The following USP8 variants were observed in gnomAD, a reference collection of about 807,000 sequenced individuals.
The protein encoded by USP8 is ubiquitin carboxyl-terminal hydrolase 8.
In USP8, 27 loss-of-function variants were observed where a neutral mutation model predicts 130.0. That is an observed-to-expected ratio of 0.21 (90% CI 0.15 to 0.29). USP8 has a LOEUF of 0.29. Ranked by LOEUF, USP8 falls within the 10% of genes least tolerant of loss-of-function variation. USP8 has a pLI of 1.00. For synonymous variants in USP8, 392 were observed against 444.1 expected (o/e 0.88, Z 1.48); for missense variants, 1,029 against 1,312.2 (o/e 0.78, Z 3.33).
chr15:50,445,110 G>A (rs1442500944), intron 3 of USP8, among the ~76,000 whole-genome samples: 2 of 152,046 alleles, frequency 1.3e-5, no homozygotes, highest in African/African-American at 4.8e-5. Flanking sequence ...AGCCTCTCTA[G>A]TGTACTTCAG....
intron 3 of USP8, among the ~76,000 whole-genome samples, chr15:50,443,093 C>T (rs185874897): frequency 2.4e-4 from 37 of 152,280 alleles, no homozygotes; most frequent in Admixed American, 2.4e-3. Flanking sequence ...GGCTGGAGTG[C>T]GGTGGCACAT....
rs776173241 is a variant in USP8 at position 50,441,511 on chromosome 15, ATTG to A, written c.249+21_249+23del. On this transcript the variant is annotated intron_variant, in intron 3 of 19. Coordinates refer to ENST00000307179, the MANE Select transcript of USP8 (RefSeq NM_005154.5). ...AACAGCAGGTACCTTTTATTTTTGC[ATTG>A]TTATTTCCTAAGTTATTTTGCATAA... 61 of 1,538,352 alleles carry A rather than the reference ATTG, an allele frequency of 4.0e-5. No homozygotes were observed. In the East Asian group the frequency reaches 1.2e-3, roughly 30 times the overall value.
At chr15:50,464,216 T>C (rs1218182219) in intron 6 of USP8, among the ~76,000 whole-genome samples, 2 of 152,146 alleles carry the variant, frequency 1.3e-5, no homozygotes, top group Non-Finnish European at 2.9e-5. Context: ...CAGATGGCCA[T>C]AGTTTTTCAA....
Position 50,502,787 on chromosome 15 carries a change from C to G in USP8, c.*3699C>G, listed in dbSNP as rs2052609974. On this transcript the variant is annotated 3_prime_UTR_variant, in exon 20 of 20. Coordinates refer to ENST00000307179, the MANE Select transcript of USP8 (RefSeq NM_005154.5). ...AGCTGGGACTACAGGCATACACCAC[C>G]ATGTCCAGAATGAAAATGGATCTGA... The G allele has an allele frequency of 6.6e-6, 1 of 152,340 alleles. No individual in the cohort carries two copies. The highest frequency in any genetic ancestry group is 1.5e-5 in the Non-Finnish European group (1 of 68,162). 9.4% of individuals were successfully genotyped at this position (152,340 alleles called of 1,614,324 possible).
chr15:50,474,555 T>G (rs944181459), intron 8 of USP8, among the ~76,000 whole-genome samples: 2 of 152,106 alleles, frequency 1.3e-5, no homozygotes, highest in Non-Finnish European at 1.5e-5. Context: ...AAGTTCAAAC[T>G]AAGATATGTG....
At chr15:50,444,266 G>T (rs1242377289) in intron 3 of USP8, among the ~76,000 whole-genome samples, 1 of 151,280 alleles carries the variant, frequency 6.6e-6, no homozygotes, top group East Asian at 1.9e-4. Context: ...ACCACGCCTG[G>T]CCTAATTTTT....
At position 50,471,618 on chromosome 15, in the gene USP8, A is replaced by G. The variant is rs370075814; in HGVS notation, c.687-15A>G. The G allele has an allele frequency of 6.2e-7, 1 of 1,605,520 alleles. No homozygotes were observed. Among genetic ancestry groups the G allele is most frequent in the Non-Finnish European group, 8.5e-7 (1 of 1,178,292 alleles). Reference sequence around the variant, plus strand: ...TGTTGACTTTTGCCCCAATTTAAATATTAATACATTTCAGAGTCACTGCTA... The same window carrying G: ...TGTTGACTTTTGCCCCAATTTAAATGTTAATACATTTCAGAGTCACTGCTA... On this transcript the variant is annotated splice_polypyrimidine_tract_variant and intron_variant, in intron 7 of 19. Coordinates refer to ENST00000307179, the MANE Select transcript of USP8 (RefSeq NM_005154.5).
rs1285791992 is a variant in USP8 at position 50,502,855 on chromosome 15, G to A, written c.*3767G>A. ...GAATTCGGGTGTAATAGTACATTGT[G>A]ACCTTAGCGAAATTATTTGACCTTT... On this transcript the variant is annotated 3_prime_UTR_variant, in exon 20 of 20. Coordinates refer to ENST00000307179, the MANE Select transcript of USP8 (RefSeq NM_005154.5). 1 of 152,192 alleles carries A rather than the reference G, an allele frequency of 6.6e-6. No individual in the cohort carries two copies. The highest frequency in any genetic ancestry group is 2.4e-5 in the African/African-American group (1 of 41,432). 9.4% of individuals were successfully genotyped at this position (152,192 alleles called of 1,614,324 possible).
In USP8 at chr15:50,439,863, G is replaced by A. The variant is rs898531384; in HGVS notation, c.104+686G>A. Reference sequence around the variant, plus strand: ...TCCACTTTGGGAGGCCAAGGTGGGCGGATCACCTGAGGTCAGGAGTTCGAT... The same window carrying A: ...TCCACTTTGGGAGGCCAAGGTGGGCAGATCACCTGAGGTCAGGAGTTCGAT... On this transcript the variant is annotated intron_variant, in intron 2 of 19. Coordinates refer to ENST00000307179, the MANE Select transcript of USP8 (RefSeq NM_005154.5). Among the ~76,000 whole-genome samples the A allele has an allele frequency of 6.0e-5, 9 of 151,210 alleles. No individual in the cohort carries two copies. In the South Asian group the frequency reaches 6.3e-4, roughly 11 times the overall value.
intron 1 of USP8, among the ~76,000 whole-genome samples, chr15:50,425,879 T>C (rs2049696781): frequency 6.6e-6 from 1 of 152,120 alleles, no homozygotes; most frequent in Non-Finnish European, 1.5e-5. Flanking sequence ...TCCTAGCACT[T>C]TGGGAGGCGG....
rs2049622879 is a variant in USP8, at chr15:50,424,414, T to A, written c.-166T>A. 2 of 398,600 alleles carry A rather than the reference T, an allele frequency of 5.0e-6. No homozygotes were observed. The highest frequency in any genetic ancestry group is 8.8e-6 in the Non-Finnish European group (2 of 226,118). 24.7% of individuals were successfully genotyped at this position (398,600 alleles called of 1,614,324 possible). On this transcript the variant is annotated 5_prime_UTR_variant, in exon 1 of 20. Coordinates refer to ENST00000307179, the MANE Select transcript of USP8 (RefSeq NM_005154.5). ...ATCGGGAAAAGGGGGTGAGCTGGGC[T>A]GGCTTCCGTCCTGGTAGCCAAGGCT...
rs58329541 is a variant in USP8, at chr15:50,506,957, CAAAAAAAAAAAAAAAAAAAAAA to C, written c.*7881_*7902del. On this transcript the variant is annotated 3_prime_UTR_variant, in exon 20 of 20. Coordinates refer to ENST00000307179, the MANE Select transcript of USP8 (RefSeq NM_005154.5). ...TGGGCGACAGAGCGAGACTTCATCT[CAAAAAAAAAAAAAAAAAAAAAA>C]AAAAAAAAAAATCCAGTTTTAGGCC... is the stretch of plus-strand genomic sequence containing the variant. 2.2e-5 allele frequency: 1 copy of C among 46,196 alleles called. No individual in the cohort carries two copies. The highest frequency in any genetic ancestry group is 3.9e-4 in the Admixed American group (1 of 2,580). 2.9% of individuals were successfully genotyped at this position (46,196 alleles called of 1,614,324 possible).
rs899708722 is a variant in USP8 at position 50,509,757 on chromosome 15, C to A, written c.*10669C>A. The A allele has an allele frequency of 2.6e-5, 4 of 152,010 alleles. No homozygotes were observed. The highest frequency in any genetic ancestry group is 5.9e-5 in the Non-Finnish European group (4 of 67,990). 9.4% of individuals were successfully genotyped at this position (152,010 alleles called of 1,614,324 possible). On this transcript the variant is annotated 3_prime_UTR_variant, in exon 20 of 20. Transcript: ENST00000307179. Reference sequence around the variant, plus strand: ...ATCCTGAATAAATTTATTGTTAATACCCTAAAAACTTTATGCCAGCCAACT... The same window carrying A: ...ATCCTGAATAAATTTATTGTTAATAACCTAAAAACTTTATGCCAGCCAACT...
intron 16 of USP8, among the ~76,000 whole-genome samples, chr15:50,494,787 G>A (rs541910421): frequency 6.6e-6 from 1 of 152,300 alleles, no homozygotes; most frequent in Non-Finnish European, 1.5e-5. Context: ...GGCCAAGGCT[G>A]GTGGATCACC....
rs993539751 is a variant in USP8 at position 50,471,786 on chromosome 15, A to G, written c.840A>G (p.Ala280=). ...IGTTLRSLKD[A]LFKWESKTVL... Reference sequence around the variant, plus strand: ...CAACTCTCCGGAGTCTGAAAGATGCACTTTTCAAGGTTTGCAAGTTTCATT... The same window carrying G: ...CAACTCTCCGGAGTCTGAAAGATGCGCTTTTCAAGGTTTGCAAGTTTCATT... Residue 280 remains alanine, a synonymous_variant, in exon 8 of 20, where the codon GCA becomes GCG. Transcript: ENST00000307179. The G allele has an allele frequency of 6.2e-7, 1 of 1,613,630 alleles. No individual in the cohort carries two copies. Among genetic ancestry groups the G allele is most frequent in the African/African-American group, 1.3e-5 (1 of 74,880 alleles).
intron 1 of USP8, among the ~76,000 whole-genome samples, chr15:50,434,238 G>A (rs922217754): frequency 1.3e-4 from 20 of 151,236 alleles, no homozygotes; most frequent in African/African-American, 4.9e-4. Flanking sequence ...GAATAGCTGG[G>A]ATTACAGGTG....
intron 7 of USP8, among the ~76,000 whole-genome samples, chr15:50,468,054 G>T (rs1322525108): frequency 6.6e-6 from 1 of 151,656 alleles, no homozygotes; most frequent in African/African-American, 2.4e-5. Context: ...TTCTGCCTCA[G>T]CCCCCTGAGT....
At chr15:50,486,541 T>C (rs1239243722) in intron 12 of USP8, among the ~76,000 whole-genome samples, 1 of 152,166 alleles carries the variant, frequency 6.6e-6, no homozygotes, top group Non-Finnish European at 1.5e-5. Context: ...AATGACTGAC[T>C]GAATTCACAG....
In USP8 at chr15:50,501,181, C is replaced by T. The variant is rs1030276964; in HGVS notation, c.*2093C>T. 5 of 225,966 alleles carry T rather than the reference C, an allele frequency of 2.2e-5. No individual in the cohort carries two copies. The highest frequency in any genetic ancestry group is 1.1e-4 in the East Asian group (1 of 9,258). The allele number at this position is 225,966 out of a possible 1,614,324, so 14.0% of individuals were successfully genotyped here. A position where few individuals can be genotyped will look rare whatever the true frequency, so the allele number is the denominator to read the frequency against. On this transcript the variant is annotated 3_prime_UTR_variant, in exon 20 of 20. Transcript: ENST00000307179. The stretch of plus-strand genomic sequence containing the variant: ...TTTACAATAAGAAGATAATTCAGGC[C>T]GGGCACAGTGGCTCACACCTGTAAT...
Sources: gnomAD v4.1 joint callset for allele counts (sites outside exome capture counted in the v4.1 genomes callset) on GRCh38, gnomAD v4.1.1 for gene constraint, MANE v1.5 for transcripts, NCBI Gene and HGNC (gene_info 2026-07-23, HGNC 2026-07-21) for gene names.